Variants in CPAP observed in about 807,000 individuals in gnomAD.
The protein encoded by CPAP is centrosome assembly and centriole elongation protein, also known as centrosomal P4.1-associated protein.
the CPAP span, chr13:24,882,926 A>T: frequency 2.0e-6 from 1 of 487,990 alleles, no homozygotes; most frequent in South Asian, 2.2e-5. Context: ...TACTGTAAAA[A>T]CCTGTACACA....
chr13:24,927,202 G>T, the CPAP span, among the ~76,000 whole-genome samples: 15 of 152,214 alleles, frequency 9.9e-5, no homozygotes, highest in Admixed American at 6.5e-4. Context: ...TAGCCCAATG[G>T]GGGGGTCACT....
At chr13:24,913,058 T>C in the CPAP span, 2 of 1,584,156 alleles carry the variant, frequency 1.3e-6, no homozygotes, top group South Asian at 1.1e-5. Context: ...ATTTAAACAA[T>C]GCAAAGGCTA....
the CPAP span, chr13:24,906,783 G>A: frequency 6.2e-7 from 1 of 1,614,190 alleles, no homozygotes; most frequent in Non-Finnish European, 8.5e-7. Flanking sequence ...CGCTGGAGTT[G>A]CTGTCTATCC....
the CPAP span, chr13:24,906,226 A>T: frequency 6.2e-7 from 1 of 1,609,382 alleles, no homozygotes. Flanking sequence ...AGATCTGTTG[A>T]TCCCTTTCTA....
chr13:24,927,260 C>T, the CPAP span, among the ~76,000 whole-genome samples: 1 of 152,156 alleles, frequency 6.6e-6, no homozygotes, highest in Non-Finnish European at 1.5e-5. Flanking sequence ...TCCTCCCCTA[C>T]CCCTGACATG....
chr13:24,919,317 C>T, the CPAP span, among the ~76,000 whole-genome samples: 9 of 152,194 alleles, frequency 5.9e-5, no homozygotes, highest in Non-Finnish European at 1.0e-4. Context: ...AGAGACTGAC[C>T]AATCACCAAT....
chr13:24,912,899 C>G, the CPAP span: 1 of 1,614,186 alleles, frequency 6.2e-7, no homozygotes, highest in African/African-American at 1.3e-5. Flanking sequence ...GCTCGCTTCT[C>G]TTTGTCTGCT....
chr13:24,898,463 G>A, the CPAP span, among the ~76,000 whole-genome samples: 3 of 152,026 alleles, frequency 2.0e-5, no homozygotes, highest in African/African-American at 7.2e-5. Context: ...CCGGAGCAAG[G>A]GTTGGGGAGG....
the CPAP span, among the ~76,000 whole-genome samples, chr13:24,911,559 G>C: frequency 2.1e-4 from 32 of 152,054 alleles, no homozygotes; most frequent in African/African-American, 5.8e-4. Context: ...TGGGGGGACA[G>C]GGTCTCACTC....
At chr13:24,924,414 T>A in the CPAP span, among the ~76,000 whole-genome samples, 18 of 152,318 alleles carry the variant, frequency 1.2e-4, no homozygotes, top group Middle Eastern at 3.4e-3. Flanking sequence ...ATTGAATAAA[T>A]AAATGAATCT....
the CPAP span, among the ~76,000 whole-genome samples, chr13:24,918,031 G>C: frequency 0.02 from 2,986 of 152,286 alleles, 93 homozygotes; most frequent in African/African-American, 0.067. Flanking sequence ...AGGAGTTTTG[G>C]AGCGGACAGT....
chr13:24,905,113 G>A, the CPAP span, among the ~76,000 whole-genome samples: 1 of 152,064 alleles, frequency 6.6e-6, no homozygotes, highest in Non-Finnish European at 1.5e-5. Context: ...ACCAGGTCTG[G>A]GGAAGAAAGG....
the CPAP span, among the ~76,000 whole-genome samples, chr13:24,933,704 G>A: frequency 6.6e-6 from 1 of 152,020 alleles, no homozygotes; most frequent in East Asian, 1.9e-4. Context: ...TGAAATCTTG[G>A]AAACAGTTAA....
the CPAP span, chr13:24,907,982 AAT>A: frequency 7.4e-7 from 1 of 1,358,704 alleles, no homozygotes; most frequent in Non-Finnish European, 1.1e-6. Context: ...TATTGTACTA[AAT>A]AGTCACATTT....
chr13:24,930,591 C>T, the CPAP span, among the ~76,000 whole-genome samples: 18 of 152,250 alleles, frequency 1.2e-4, no homozygotes, highest in Admixed American at 4.6e-4. Context: ...TTTATTAATT[C>T]GCTTAGAACA....
chr13:24,911,169 G>A, the CPAP span, among the ~76,000 whole-genome samples: 2 of 152,128 alleles, frequency 1.3e-5, no homozygotes, highest in Non-Finnish European at 2.9e-5. Context: ...AAACAAGACA[G>A]AAAATGTCCT....
At chr13:24,929,041 T>C in the CPAP span, among the ~76,000 whole-genome samples, 3 of 152,246 alleles carry the variant, frequency 2.0e-5, no homozygotes, top group Non-Finnish European at 4.4e-5. Flanking sequence ...AGTAGTTTGA[T>C]GGTTTTTCAA....
the CPAP span, among the ~76,000 whole-genome samples, chr13:24,909,352 C>G: frequency 2.0e-5 from 3 of 152,032 alleles, no homozygotes; most frequent in African/African-American, 7.3e-5. Flanking sequence ...CATGTTGAAA[C>G]CCCATCTCTA....
chr13:24,921,328 TCTC>T, the CPAP span, among the ~76,000 whole-genome samples: 1 of 148,164 alleles, frequency 6.7e-6, no homozygotes, highest in Non-Finnish European at 1.5e-5. Context: ...ATATAACAAT[TCTC>T]TTTTTTATAA....
Sources: allele counts gnomAD v4.1 joint callset (sites outside exome capture counted in the v4.1 genomes callset), GRCh38; gene constraint gnomAD v4.1.1; transcripts MANE v1.5; gene names NCBI Gene and HGNC (gene_info 2026-07-23, HGNC 2026-07-21).